The following COG5 variants were observed in gnomAD, a reference collection of about 807,000 sequenced individuals.
COG5 encodes conserved oligomeric Golgi complex subunit 5.
A neutral mutation model predicts 110.4 loss-of-function variants in COG5; 86 were observed. That is an observed-to-expected ratio of 0.78 (90% CI 0.65 to 0.93). The LOEUF (loss-of-function observed/expected upper bound fraction) is 0.93. Among genes scored for constraint, COG5 ranks in the 40% least tolerant of loss-of-function variants. COG5 has a pLI of 0.00. For synonymous variants in COG5, 360 were observed against 334.6 expected, an observed-to-expected ratio of 1.08 and a Z score of -0.83; for missense variants, 1,077 against 987.0, an observed-to-expected ratio of 1.09 and a Z score of -1.22.
intron 10 of COG5, among the ~76,000 whole-genome samples, chr7:107,345,666 A>G (rs1811539770): frequency 6.6e-6 from 1 of 152,186 alleles, no homozygotes; most frequent in African/African-American, 2.4e-5. Context: ...GAGAACATAT[A>G]GGTAATACTA....
chr7:107,232,320 A>G (rs953301688), intron 18 of COG5, among the ~76,000 whole-genome samples: 2 of 152,218 alleles, frequency 1.3e-5, no homozygotes, highest in African/African-American at 2.4e-5. Flanking sequence ...TTTTCTTTCC[A>G]TATGTGTCAC....
intron 10 of COG5, 47 bp downstream of exon 10, chr7:107,361,986 C>T (rs1230930230): frequency 1.6e-6 from 2 of 1,289,856 alleles, no homozygotes; most frequent in South Asian, 2.5e-5. Context: ...CTCATATATT[C>T]CTGTTTTGTA....
chr7:107,247,998 G>A (rs764280005), intron 17 of COG5, among the ~76,000 whole-genome samples: 5 of 152,156 alleles, frequency 3.3e-5, no homozygotes, highest in Admixed American at 6.5e-5. Flanking sequence ...ATGCCAAGGG[G>A]TAACAAAGGG....
At chr7:107,504,750 T>G (rs536859866) in intron 6 of COG5, among the ~76,000 whole-genome samples, 42 of 152,318 alleles carry the variant, frequency 2.8e-4, no homozygotes, top group African/African-American at 9.6e-4. Context: ...TTCCAGGAAT[T>G]TATCCATTTC....
intron 14 of COG5, among the ~76,000 whole-genome samples, chr7:107,270,191 C>G (rs776050567): frequency 2.6e-5 from 4 of 151,448 alleles, no homozygotes; most frequent in Admixed American, 6.6e-5. Flanking sequence ...TGAAACAGAA[C>G]TGAAAGGCAT....
chr7:107,355,995 G>A (rs368301808), intron 10 of COG5, among the ~76,000 whole-genome samples: 5 of 152,266 alleles, frequency 3.3e-5, no homozygotes, highest in East Asian at 3.9e-4. Context: ...TAGTCCCATG[G>A]TTCTTGCATA....
At chr7:107,470,291 G>A (rs1185491559) in intron 6 of COG5, 1 of 152,158 alleles carries the variant, frequency 6.6e-6, no homozygotes, top group Non-Finnish European at 1.5e-5. Context: ...CTGAAACAAT[G>A]GCACACTACA....
At chr7:107,446,001 C>T (rs1179457071) in intron 6 of COG5, among the ~76,000 whole-genome samples, 4 of 152,110 alleles carry the variant, frequency 2.6e-5, no homozygotes, top group Non-Finnish European at 5.9e-5. Context: ...GAGAATAGTG[C>T]CCCTTGCAAA....
chr7:107,554,482 T>C, intron 2 of COG5, 140 bp from the exon 3 acceptor site: 2 of 737,066 alleles, frequency 2.7e-6, no homozygotes, highest in South Asian at 1.5e-5. Context: ...GTTTTTAAGG[T>C]GTGTCTGAGA....
At position 107,224,515 on chromosome 7, in the gene COG5, G is replaced by A. The variant is rs1800178357; in HGVS notation, c.2168+6100C>T. 4.6e-5 allele frequency among the ~76,000 whole-genome samples: 7 copies of A among 152,322 alleles called. No homozygotes were observed. In the South Asian group the frequency reaches 1.5e-3, roughly 32 times the overall value. On this transcript the variant is annotated intron_variant, in intron 19 of 21. Transcript: ENST00000297135. ...ATGAGCTTCCAGCCGAGAAGACTGT[G>A]GACATCATCAGGGACAAGCTGTCCC...
At chr7:107,468,030 G>A (rs1796406779) in intron 6 of COG5, among the ~76,000 whole-genome samples, 1 of 152,076 alleles carries the variant, frequency 6.6e-6, no homozygotes, top group Non-Finnish European at 1.5e-5. Flanking sequence ...TTCAACAAAA[G>A]GAATCAAAGT....
intron 11 of COG5, among the ~76,000 whole-genome samples, chr7:107,318,442 T>A (rs1051787490): frequency 6.6e-6 from 1 of 152,248 alleles, no homozygotes; most frequent in Non-Finnish European, 1.5e-5. Context: ...CCCAAGGTTT[T>A]AAAAAACTTT....
intron 8 of COG5, among the ~76,000 whole-genome samples, chr7:107,365,352 T>C (rs1475517761): frequency 6.6e-6 from 1 of 151,892 alleles, no homozygotes; most frequent in Non-Finnish European, 1.5e-5. Flanking sequence ...AAAATGTCAA[T>C]TTCAAAGACA....
At chr7:107,348,770 C>A (rs2129040181) in intron 10 of COG5, among the ~76,000 whole-genome samples, 2 of 152,266 alleles carry the variant, frequency 1.3e-5, no homozygotes, top group Middle Eastern at 3.4e-3. Context: ...TTGCACACAT[C>A]ATGGCTCTGT....
intron 7 of COG5, among the ~76,000 whole-genome samples, chr7:107,381,078 G>A (rs923895564): frequency 6.6e-6 from 1 of 152,128 alleles, no homozygotes; most frequent in Non-Finnish European, 1.5e-5. Context: ...TTCTCTGTGT[G>A]AACATATTAA....
At chr7:107,405,602 A>T (rs892515238) in intron 7 of COG5, among the ~76,000 whole-genome samples, 3 of 152,254 alleles carry the variant, frequency 2.0e-5, no homozygotes, top group Non-Finnish European at 4.4e-5. Context: ...TTTATACATA[A>T]GAAATACAGT....
intron 10 of COG5, among the ~76,000 whole-genome samples, chr7:107,347,553 A>G (rs1811732152): frequency 6.6e-6 from 1 of 152,196 alleles, no homozygotes; most frequent in African/African-American, 2.4e-5. Flanking sequence ...ATAATACATT[A>G]TATAGTTTTG....
In COG5 at chr7:107,474,515, T is replaced by G; in HGVS notation, c.538+52722A>C. The G allele has an allele frequency of 6.2e-7, 1 of 1,612,866 alleles. No homozygotes were observed. Among genetic ancestry groups the G allele is most frequent in the Non-Finnish European group, 8.5e-7 (1 of 1,179,142 alleles). ...TCTGTAAAACCTGCAAACCGAATTC[T>G]GACAATGGGCAGAGCTGTAATGTTA... On this transcript the variant is annotated intron_variant, in intron 6 of 21. Coordinates refer to ENST00000297135, the MANE Select transcript of COG5 (RefSeq NM_006348.5). This position sits in a 1 kb window ranked among gnomAD's most constrained non-coding sequence, Gnocchi z 5.7.
At position 107,415,804 on chromosome 7, in the gene COG5, G is replaced by A. The variant is rs528641980; in HGVS notation, c.539-3172C>T. 1.9e-3 allele frequency among the ~76,000 whole-genome samples: 224 copies of A among 118,474 alleles called. 3 individuals carry two copies. The highest frequency in any genetic ancestry group is 5.9e-3 in the African/African-American group (205 of 34,598). The allele number at this position is 118,474 out of a possible 152,430, so 77.7% of individuals were successfully genotyped here. ...CACATACACGTATGTATGTATGTGT[G>A]TATATATACACACATACACGTATGT... is the stretch of plus-strand genomic sequence containing the variant. On this transcript the variant is annotated intron_variant, in intron 6 of 21. Transcript: ENST00000297135.
Sources: allele counts gnomAD v4.1 joint callset (sites outside exome capture counted in the v4.1 genomes callset), GRCh38; gene constraint gnomAD v4.1.1; non-coding constraint Gnocchi (gnomAD v3.1); transcripts MANE v1.5; gene names NCBI Gene and HGNC (gene_info 2026-07-23, HGNC 2026-07-21).